Variants in PATJ observed in about 807,000 individuals in gnomAD.
The protein encoded by PATJ is PATJ crumbs cell polarity complex component.
PATJ carries 190 observed loss-of-function variants against 224.9 expected under a neutral mutation model. The ratio of observed to expected loss-of-function variants is 0.84; its 90% CI spans 0.75 to 0.95. The LOEUF is 0.95. Among genes scored for constraint, PATJ ranks in the 40% least tolerant of loss-of-function variants. The probability of loss-of-function intolerance (pLI) is 0.00; values close to 1 mark genes in which losing one functional copy is unlikely to be tolerated. For missense variants in PATJ, 2,121 were observed against 2,270.3 expected (o/e 0.93, Z 1.34); for synonymous variants, 769 against 820.3 (o/e 0.94, Z 1.07).
chr1:61,804,900 G>A (rs1352936259), intron 12 of PATJ, among the ~76,000 whole-genome samples: 1 of 152,122 alleles, frequency 6.6e-6, no homozygotes, highest in Non-Finnish European at 1.5e-5. Context: ...TAAAGCTCAT[G>A]GAACTTTGAC....
intron 14 of PATJ, among the ~76,000 whole-genome samples, chr1:61,814,560 G>A (rs973569005): frequency 7.9e-5 from 12 of 151,534 alleles, no homozygotes; most frequent in African/African-American, 1.5e-4. Flanking sequence ...GCGCGCGCGC[G>A]CATGTATGTG....
At chr1:61,836,384 T>C (rs1660180733) in intron 17 of PATJ, among the ~76,000 whole-genome samples, 2 of 152,260 alleles carry the variant, frequency 1.3e-5, no homozygotes, top group African/African-American at 4.8e-5. Flanking sequence ...GGATTAGATA[T>C]TCTTTTTGTC....
intron 6 of PATJ, among the ~76,000 whole-genome samples, chr1:61,774,624 T>C (rs1165513524): frequency 2.6e-5 from 4 of 152,210 alleles, no homozygotes; most frequent in African/African-American, 9.6e-5. Flanking sequence ...CTATTTCCAC[T>C]TGATTACCCA....
At position 62,113,902 on chromosome 1, in the gene PATJ, C is replaced by T. The variant is rs1254139331; in HGVS notation, c.4462-151C>T. ...GCCATCTCCTTTATATTCAAAGCAG[C>T]TCATACTGCTTGTGGTCACTACCTG... On this transcript the variant is annotated intron_variant, in intron 34 of 43. Coordinates refer to ENST00000642238, the MANE Select transcript of PATJ (RefSeq NM_001350145.3). The T allele has an allele frequency of 1.0e-5, 7 of 688,254 alleles. No individual in the cohort carries two copies. In the East Asian group the frequency reaches 1.6e-4, roughly 16 times the overall value. The allele number at this position is 688,254 out of a possible 1,614,324, so 42.6% of individuals were successfully genotyped here.
chr1:62,117,446 C>G, intron 37 of PATJ: 4 of 1,359,670 alleles, frequency 2.9e-6, no homozygotes, highest in Non-Finnish European at 3.8e-6. Flanking sequence ...TTCTTGGAAG[C>G]TCTTTTCTCT....
At chr1:62,134,604 C>A (rs1666629544) in intron 41 of PATJ, among the ~76,000 whole-genome samples, 1 of 152,096 alleles carries the variant, frequency 6.6e-6, no homozygotes, top group South Asian at 2.1e-4. Context: ...CTCAGCCTCC[C>A]AAAGTGCTGG....
intron 33 of PATJ, among the ~76,000 whole-genome samples, chr1:62,098,879 T>G (rs1261371472): frequency 6.6e-6 from 1 of 152,112 alleles, no homozygotes; most frequent in Non-Finnish European, 1.5e-5. Context: ...TTTTTTTTAT[T>G]TTTTTTAATT....
At chr1:61,825,646 G>A (rs1658113756) in intron 15 of PATJ, among the ~76,000 whole-genome samples, 1 of 152,122 alleles carries the variant, frequency 6.6e-6, no homozygotes, top group East Asian at 1.9e-4. Flanking sequence ...ATAGGAGTTG[G>A]TAATGGGAAA....
rs1379670671 is a variant in PATJ, at chr1:61,924,951, G to A, written c.3571-2779G>A. On this transcript the variant is annotated intron_variant, in intron 26 of 43. Coordinates refer to ENST00000642238, the MANE Select transcript of PATJ (RefSeq NM_001350145.3). ...CAGGCGGCCGGGCGCGGTGGCTCAC[G>A]CCTGTAATCCCAGCACTTTGGGAGG... Among the ~76,000 whole-genome samples the A allele has an allele frequency of 2.6e-4, 6 of 23,334 alleles. 3 individuals are homozygous for A. The highest frequency in any genetic ancestry group is 4.0e-4 in the Non-Finnish European group (6 of 15,186). 15.3% of individuals were successfully genotyped at this position (23,334 alleles called of 152,430 possible).
At chr1:62,036,747 C>G (rs901655063) in intron 29 of PATJ, among the ~76,000 whole-genome samples, 3 of 151,240 alleles carry the variant, frequency 2.0e-5, no homozygotes, top group African/African-American at 7.3e-5. Flanking sequence ...TGGCACATGC[C>G]TGTAATCCCA....
intron 13 of PATJ, 125 bp downstream of exon 13, chr1:61,805,649 T>A: frequency 1.6e-6 from 1 of 633,166 alleles, no homozygotes; most frequent in Admixed American, 3.0e-5. Context: ...CCTTCCTGCC[T>A]TTCTTCCCTA....
chr1:62,083,226 G>A (rs574224374), intron 32 of PATJ, among the ~76,000 whole-genome samples: 1 of 152,314 alleles, frequency 6.6e-6, no homozygotes. Flanking sequence ...TCGGGCTCAA[G>A]CGATTCTCCT....
At chr1:61,868,761 C>T (rs960406024) in intron 20 of PATJ, among the ~76,000 whole-genome samples, 1 of 151,938 alleles carries the variant, frequency 6.6e-6, no homozygotes, top group Non-Finnish European at 1.5e-5. Context: ...TGCACTCCAG[C>T]CTGGGCAACA....
chr1:62,067,287 C>A (rs1042048962), intron 31 of PATJ, among the ~76,000 whole-genome samples: 2 of 151,824 alleles, frequency 1.3e-5, no homozygotes, highest in South Asian at 4.2e-4. Context: ...CCACCACGCC[C>A]GGCTAATTTT....
chr1:62,067,164 T>G (rs58077376), intron 31 of PATJ, among the ~76,000 whole-genome samples: 9,507 of 145,380 alleles, frequency 0.065, 1,083 homozygotes, highest in African/African-American at 0.24. Context: ...TCTCGCTGTG[T>G]CACCCAGGCT....
chr1:62,077,057 G>A, intron 31 of PATJ, among the ~76,000 whole-genome samples: 1 of 152,032 alleles, frequency 6.6e-6, no homozygotes, highest in South Asian at 2.1e-4. Context: ...CTCAAATGGT[G>A]GCATCCATTC....
chr1:61,871,557 A>ATTTTTT (rs71582650), intron 20 of PATJ, among the ~76,000 whole-genome samples: 2 of 55,066 alleles, frequency 3.6e-5, no homozygotes, highest in African/African-American at 7.2e-5. Context: ...ATATATATAT[A>ATTTTTT]TTTTTTTTTT....
chr1:62,092,266 A>G (rs1004368942), intron 33 of PATJ, among the ~76,000 whole-genome samples: 1 of 151,312 alleles, frequency 6.6e-6, no homozygotes. Flanking sequence ...TGTAGTCCCA[A>G]CTACCTGGCA....
At chr1:61,823,718 C>T (rs1657703312) in intron 15 of PATJ, among the ~76,000 whole-genome samples, 1 of 152,178 alleles carries the variant, frequency 6.6e-6, no homozygotes, top group Admixed American at 6.5e-5. Context: ...ATCAGAATCC[C>T]ATGGGCCTTG....
Sources: gnomAD v4.1 joint callset for allele counts (sites outside exome capture counted in the v4.1 genomes callset) on GRCh38, gnomAD v4.1.1 for gene constraint, MANE v1.5 for transcripts, NCBI Gene and HGNC (gene_info 2026-07-23, HGNC 2026-07-21) for gene names.